The following RANBP2 variants were observed in gnomAD, a reference collection of about 807,000 sequenced individuals.
The protein encoded by RANBP2 is RAN binding protein 2, also known as E3 SUMO-protein ligase RanBP2.
A neutral mutation model predicts 303.6 loss-of-function variants in RANBP2; 57 were observed. That is an observed-to-expected ratio of 0.19 (90% CI 0.15 to 0.23). The LOEUF (loss-of-function observed/expected upper bound fraction) is 0.23. RANBP2 is among the 10% of genes least tolerant of loss of function. RANBP2 has a pLI of 1.00. For missense variants in RANBP2, 3,138 were observed against 3,780.8 expected (o/e 0.83, Z 4.46); for synonymous variants, 1,167 against 1,301.5 (o/e 0.90, Z 2.23).
chr2:109,129,125 C>T, the RANBP2 span: 1 of 347,562 alleles, frequency 2.9e-6, no homozygotes. Context: ...ACGCCGCGCC[C>T]CGGCCTCCCC....
At chr2:109,110,264 C>T in the RANBP2 span, among the ~76,000 whole-genome samples, 45 of 152,246 alleles carry the variant, frequency 3.0e-4, no homozygotes, top group East Asian at 6.2e-3. Context: ...TGGCAAGCAG[C>T]GCTTGTGCTA....
the RANBP2 span, among the ~76,000 whole-genome samples, chr2:109,189,473 A>G: frequency 1.3e-5 from 2 of 151,584 alleles, no homozygotes; most frequent in Admixed American, 6.6e-5. Flanking sequence ...GGTTCAAGCA[A>G]TTCTTTTGCC....
intron 17 of RANBP2, among the ~76,000 whole-genome samples, chr2:108,755,786 C>G (rs58459820): frequency 0.045 from 6,890 of 151,736 alleles, 530 homozygotes; most frequent in African/African-American, 0.15. Context: ...TGCAGTGGTG[C>G]GATCTTGGCT....
the RANBP2 span, among the ~76,000 whole-genome samples, chr2:109,487,013 A>G: frequency 6.6e-6 from 1 of 152,274 alleles, no homozygotes; most frequent in Admixed American, 6.5e-5. Context: ...TCCCCCCAAC[A>G]GAGAGGAGTG....
the RANBP2 span, among the ~76,000 whole-genome samples, chr2:108,805,838 A>C: frequency 6.6e-6 from 1 of 152,228 alleles, no homozygotes; most frequent in Admixed American, 6.5e-5. Flanking sequence ...TTTGGCAGAA[A>C]GATGTGAAAG....
At chr2:108,788,180 A>T (rs1228953047), downstream of RANBP2, 18 of 1,294,812 alleles carry the variant, frequency 1.4e-5, no homozygotes, top group Admixed American at 3.8e-4. Flanking sequence ...GCACTTTGGG[A>T]GGCCGAGGCA....
chr2:109,364,312 T>C, the RANBP2 span, among the ~76,000 whole-genome samples: 1 of 152,268 alleles, frequency 6.6e-6, no homozygotes, highest in East Asian at 1.9e-4. Context: ...ACAGGGTTTT[T>C]GATTGCTAAC....
the RANBP2 span, among the ~76,000 whole-genome samples, chr2:109,598,312 C>T: frequency 6.6e-6 from 1 of 152,016 alleles, no homozygotes; most frequent in Non-Finnish European, 1.5e-5. Flanking sequence ...AGGTGATCCG[C>T]CCACCTCAGC....
At chr2:109,047,347 GA>G in the RANBP2 span, among the ~76,000 whole-genome samples, 1 of 152,192 alleles carries the variant, frequency 6.6e-6, no homozygotes, top group Non-Finnish European at 1.5e-5. Context: ...GGGGACTCTT[GA>G]TGACTCAGTG....
the RANBP2 span, among the ~76,000 whole-genome samples, chr2:109,290,525 A>G: frequency 1.3e-5 from 2 of 152,220 alleles, no homozygotes; most frequent in African/African-American, 4.8e-5. Flanking sequence ...TACACATATT[A>G]TGCCTAGCTA....
chr2:109,323,319 A>C, the RANBP2 span, among the ~76,000 whole-genome samples: 1 of 152,232 alleles, frequency 6.6e-6, no homozygotes, highest in Admixed American at 6.5e-5. Flanking sequence ...GGTGACACAG[A>C]GGAAGACAAA....
the RANBP2 span, among the ~76,000 whole-genome samples, chr2:108,819,811 C>T: frequency 1.3e-5 from 2 of 152,020 alleles, no homozygotes; most frequent in African/African-American, 4.8e-5. Flanking sequence ...GGACATTGAT[C>T]AAATCAAAGA....
chr2:109,415,398 G>A, the RANBP2 span, among the ~76,000 whole-genome samples: 2 of 152,180 alleles, frequency 1.3e-5, no homozygotes, highest in African/African-American at 4.8e-5. Context: ...ATTGTTCCAG[G>A]GGGAGTGCTC....
At chr2:109,665,010 AT>A in the RANBP2 span, among the ~76,000 whole-genome samples, 1 of 152,222 alleles carries the variant, frequency 6.6e-6, no homozygotes, top group Non-Finnish European at 1.5e-5. Flanking sequence ...ATAGAAAAAA[AT>A]AATTATACCA....
chr2:108,812,688 G>A, the RANBP2 span: 1 of 1,611,568 alleles, frequency 6.2e-7, no homozygotes, highest in South Asian at 1.1e-5. Flanking sequence ...AAGAGTTCAA[G>A]CTCGTTTAGA....
intron 24 of RANBP2, 95 bp from the exon 25 acceptor site, chr2:108,777,032 GAGT>G (rs1379262723): frequency 1.0e-6 from 1 of 993,424 alleles, no homozygotes; most frequent in Non-Finnish European, 1.6e-6. Flanking sequence ...CCTCATCCCA[GAGT>G]ATACAAGTCT....
the RANBP2 span, among the ~76,000 whole-genome samples, chr2:109,435,463 C>T: frequency 6.6e-6 from 1 of 152,208 alleles, no homozygotes; most frequent in South Asian, 2.1e-4. Context: ...GTGTTTGCCC[C>T]CATCGTGCTA....
chr2:109,492,819 T>C, the RANBP2 span, among the ~76,000 whole-genome samples: 2 of 152,048 alleles, frequency 1.3e-5, no homozygotes, highest in Non-Finnish European at 2.9e-5. Context: ...TATCAGCTTG[T>C]GGACATCGTG....
rs573108175 is a variant in RANBP2, at chr2:108,768,226, G to A, written c.7687G>A (p.Val2563Ile). 10 of 1,612,000 alleles carry A rather than the reference G, an allele frequency of 6.2e-6. No individual in the cohort carries two copies. Among genetic ancestry groups the A allele is most frequent in the South Asian group, 3.3e-5 (3 of 90,992 alleles). The change falls in exon 20 of 29, where the codon GTA (valine) becomes ATA (isoleucine). Residue 2563 changes from valine (V) to isoleucine (I), a missense_variant. This residue lies in a region of RANBP2 where 497 missense variants were observed against 465.8 expected (regional missense o/e 1.07). Coordinates refer to ENST00000283195, the MANE Select transcript of RANBP2 (RefSeq NM_006267.5). ...AAGTAACAATAGTGAAACTAGTTCA[G>A]TAGCCCAGAGTGGATCTGAAAGCAA... is the stretch of plus-strand genomic sequence containing the variant. ...LKSNNSETSS[V>I]AQSGSESKVE...
Sources: allele counts gnomAD v4.1 joint callset (sites outside exome capture counted in the v4.1 genomes callset), GRCh38; gene constraint gnomAD v4.1.1; regional missense constraint gnomAD v4.1.1; transcripts MANE v1.5; gene names NCBI Gene and HGNC (gene_info 2026-07-23, HGNC 2026-07-21).